CDKAL1: variants seen among roughly 807,000 people sequenced by gnomAD.
The protein encoded by CDKAL1 is threonylcarbamoyladenosine tRNA methylthiotransferase.
CDKAL1 carries 32 observed loss-of-function variants against 68.2 expected under a neutral mutation model. The observed-to-expected ratio is 0.47, with a 90% CI of 0.35 to 0.63. The LOEUF (loss-of-function observed/expected upper bound fraction) is 0.63. Ranked by LOEUF, CDKAL1 falls within the 30% of genes least tolerant of loss-of-function variation. The pLI is 0.00. For synonymous variants in CDKAL1, 234 were observed against 244.3 expected (o/e 0.96, Z 0.39); for missense variants, 606 against 696.7 (o/e 0.87, Z 1.47).
At chr6:21,171,337 C>T (rs540977073) in intron 13 of CDKAL1, among the ~76,000 whole-genome samples, 264 of 152,132 alleles carry the variant, frequency 1.7e-3, no homozygotes, top group Non-Finnish European at 2.6e-3. Flanking sequence ...CTCAGCCTCC[C>T]GAGTAGCTGG....
intron 5 of CDKAL1, among the ~76,000 whole-genome samples, chr6:20,717,100 TCAG>T (rs1772133150): frequency 6.6e-6 from 1 of 151,994 alleles, no homozygotes. Context: ...ATGAGCAGTT[TCAG>T]TGGAGAGGTG....
intron 4 of CDKAL1, among the ~76,000 whole-genome samples, chr6:20,621,074 C>G (rs1767171170): frequency 6.6e-6 from 1 of 151,996 alleles, no homozygotes; most frequent in Non-Finnish European, 1.5e-5. Flanking sequence ...TCCACTCTAC[C>G]TTACTGCTGC....
At chr6:21,150,184 G>A (rs1006911746) in intron 13 of CDKAL1, among the ~76,000 whole-genome samples, 11 of 152,134 alleles carry the variant, frequency 7.2e-5, no homozygotes, top group African/African-American at 2.7e-4. Context: ...GTTCCAACTA[G>A]TGATGGTGAG....
rs1780012077 is a variant in CDKAL1 at position 21,232,334 on chromosome 6, C to T, written c.*1295C>T. 6.6e-6 allele frequency: 1 copy of T among 152,146 alleles called. No individual in the cohort carries two copies. The highest frequency in any genetic ancestry group is 2.4e-5 in the African/African-American group (1 of 41,430). 9.4% of individuals were successfully genotyped at this position (152,146 alleles called of 1,614,324 possible). The stretch of plus-strand genomic sequence containing the variant: ...GATTAAATGTTTTTATTTCTACCTG[C>T]CATCATTGGTCTTTACTAAGTGAAG... On this transcript the variant is annotated 3_prime_UTR_variant, in exon 16 of 16. Transcript: ENST00000274695.
At chr6:21,054,341 T>C (rs1770710744) in intron 11 of CDKAL1, among the ~76,000 whole-genome samples, 1 of 152,226 alleles carries the variant, frequency 6.6e-6, no homozygotes, top group Non-Finnish European at 1.5e-5. Context: ...ATAACCATAC[T>C]GCGTTGATTA....
chr6:20,580,844 C>G (rs1004452752), intron 4 of CDKAL1, among the ~76,000 whole-genome samples: 1 of 151,732 alleles, frequency 6.6e-6, no homozygotes, highest in Non-Finnish European at 1.5e-5. Flanking sequence ...GGCTGAAGTG[C>G]AATGGTGCGA....
At chr6:20,934,920 G>GTT (rs1763632268) in intron 9 of CDKAL1, among the ~76,000 whole-genome samples, 1 of 120,068 alleles carries the variant, frequency 8.3e-6, no homozygotes. Flanking sequence ...TTTTTTTTGA[G>GTT]TTGAAGTCTC....
chr6:20,732,880 TAA>T (rs1773021181), intron 5 of CDKAL1, among the ~76,000 whole-genome samples: 1 of 152,332 alleles, frequency 6.6e-6, no homozygotes, highest in Non-Finnish European at 1.5e-5. Context: ...ACCAAGTTTT[TAA>T]AGACCCTTAA....
At chr6:20,883,641 T>C (rs1181820766) in intron 9 of CDKAL1, among the ~76,000 whole-genome samples, 1 of 152,256 alleles carries the variant, frequency 6.6e-6, no homozygotes, top group Non-Finnish European at 1.5e-5. Flanking sequence ...AGTGTCTTGA[T>C]ATATGCATCT....
Position 20,616,325 on chromosome 6 carries a change from C to T in CDKAL1, c.287-32968C>T, listed in dbSNP as rs1313157313. 2.9e-3 allele frequency among the ~76,000 whole-genome samples: 425 copies of T among 148,920 alleles called. 2 individuals carry two copies. Among genetic ancestry groups the T allele is most frequent in the African/African-American group, 9.4e-3 (380 of 40,560 alleles). On this transcript the variant is annotated intron_variant, in intron 4 of 15. Coordinates refer to ENST00000274695, the MANE Select transcript of CDKAL1 (RefSeq NM_017774.3). Reference sequence around the variant, plus strand: ...TTTTCCAATTCTGTGAAGAAAGTCACTGGTAGCTTGATGGGGATGGCATTG... The same window carrying T: ...TTTTCCAATTCTGTGAAGAAAGTCATTGGTAGCTTGATGGGGATGGCATTG...
At chr6:20,572,142 A>C (rs1484248832) in intron 4 of CDKAL1, among the ~76,000 whole-genome samples, 1 of 152,140 alleles carries the variant, frequency 6.6e-6, no homozygotes, top group Non-Finnish European at 1.5e-5. Context: ...GGTTAGCTTT[A>C]TTGAATGTAA....
chr6:20,891,051 C>T (rs889152523), intron 9 of CDKAL1, among the ~76,000 whole-genome samples: 1 of 152,154 alleles, frequency 6.6e-6, no homozygotes, highest in Non-Finnish European at 1.5e-5. Flanking sequence ...CCCTTTCCCC[C>T]GCTACCCTAG....
chr6:20,955,690 AT>A (rs371397095), intron 10 of CDKAL1, 105 bp downstream of exon 10: 14,203 of 783,534 alleles, frequency 0.018, no homozygotes, highest in South Asian at 0.032. Flanking sequence ...ACTCCTTCAC[AT>A]TTTTTTTTTG....
intron 9 of CDKAL1, among the ~76,000 whole-genome samples, chr6:20,850,462 T>G (rs1758947119): frequency 6.6e-6 from 1 of 152,130 alleles, no homozygotes; most frequent in Non-Finnish European, 1.5e-5. Flanking sequence ...TATTTTATTT[T>G]TTATTTTTTT....
chr6:20,868,203 C>T (rs975849958), intron 9 of CDKAL1, among the ~76,000 whole-genome samples: 6 of 152,166 alleles, frequency 3.9e-5, no homozygotes, highest in East Asian at 3.9e-4. Flanking sequence ...CTATTTCTGC[C>T]GTGTAGAAAA....
intron 11 of CDKAL1, among the ~76,000 whole-genome samples, chr6:21,048,726 A>T (rs538512715): frequency 6.6e-6 from 1 of 152,264 alleles, no homozygotes; most frequent in South Asian, 2.1e-4. Context: ...TTTATAAATT[A>T]TTCTTCCCGA....
At chr6:20,577,976 T>A (rs1764982255) in intron 4 of CDKAL1, among the ~76,000 whole-genome samples, 1 of 152,116 alleles carries the variant, frequency 6.6e-6, no homozygotes, top group Non-Finnish European at 1.5e-5. Context: ...GGGGAAAATG[T>A]TTTAGTCTTA....
chr6:20,830,519 T>A (rs1777672872), intron 8 of CDKAL1, among the ~76,000 whole-genome samples: 1 of 152,294 alleles, frequency 6.6e-6, no homozygotes, highest in Non-Finnish European at 1.5e-5. Flanking sequence ...GGACCAAATT[T>A]AAAAATATAA....
rs1562105456 is a variant in CDKAL1 at position 21,192,383 on chromosome 6, A to G, written c.1300-5638A>G. 2.0e-5 allele frequency among the ~76,000 whole-genome samples: 3 copies of G among 152,264 alleles called. No homozygotes were observed. In the South Asian group the frequency reaches 6.2e-4, roughly 32 times the overall value. ...AAAATGATGAAATGAAGTTCTGTAC[A>G]TCCTAGGAAAAAATTACTTTCTCTA... is the stretch of plus-strand genomic sequence containing the variant. On this transcript the variant is annotated intron_variant, in intron 13 of 15. Transcript: ENST00000274695.
Sources: allele counts gnomAD v4.1 joint callset (sites outside exome capture counted in the v4.1 genomes callset), GRCh38; gene constraint gnomAD v4.1.1; transcripts MANE v1.5; gene names NCBI Gene and HGNC (gene_info 2026-07-23, HGNC 2026-07-21).